The following PACC1 variants were observed in gnomAD, a reference collection of about 807,000 sequenced individuals.
The protein encoded by PACC1 is proton-activated chloride channel.
Under a neutral mutation model 39.7 loss-of-function variants are expected in PACC1, and 34 were observed. The observed-to-expected ratio is 0.86, with a 90% confidence interval of 0.65 to 1.14. The LOEUF (loss-of-function observed/expected upper bound fraction) is 1.14, where lower values mean the gene tolerates loss of function less well. PACC1 is among the 50% of genes most tolerant of loss of function. The pLI is 0.00. For synonymous variants in PACC1, 127 were observed against 160.6 expected (o/e 0.79, Z 1.58); for missense variants, 379 against 436.4 (o/e 0.87, Z 1.17).
chr1:212,400,222 G>A (rs1353096609), intron 2 of PACC1, among the ~76,000 whole-genome samples: 3 of 152,192 alleles, frequency 2.0e-5, no homozygotes, highest in African/African-American at 7.2e-5. Flanking sequence ...ACTGGCATCT[G>A]TGGACAGGTG....
At chr1:212,392,705 G>C (rs1251866279) in intron 2 of PACC1, among the ~76,000 whole-genome samples, 60 of 151,956 alleles carry the variant, frequency 3.9e-4, no homozygotes, top group Non-Finnish European at 8.2e-4. Flanking sequence ...CACGTGCAGA[G>C]ACACACATAG....
rs1047251091 is a variant in PACC1 at position 212,404,466 on chromosome 1, C to T, written c.133+5959G>A. Among the ~76,000 whole-genome samples the T allele has an allele frequency of 4.0e-5, 6 of 151,648 alleles. No homozygotes were observed. The Admixed American group carries it at 4.0e-4, about 10-fold the overall frequency. Reference sequence around the variant, plus strand: ...TAATGTACAGACCCTGACACTCAGACCCCTCCATAATCTGACCAAGTCTAT... The same window carrying T: ...TAATGTACAGACCCTGACACTCAGATCCCTCCATAATCTGACCAAGTCTAT... On this transcript the variant is annotated intron_variant, in intron 2 of 7. Transcript: ENST00000261455.
chr1:212,389,378 A>G (rs1235180110), intron 2 of PACC1, among the ~76,000 whole-genome samples: 1 of 152,252 alleles, frequency 6.6e-6, no homozygotes, highest in African/African-American at 2.4e-5. Context: ...TGGAGATTTC[A>G]ACTACGGCTA....
In PACC1 at chr1:212,377,810, G is replaced by C. The variant is rs1165979877; in HGVS notation, c.639-104C>G. The C allele has an allele frequency of 2.2e-6, 3 of 1,347,000 alleles. No homozygotes were observed. In the African/African-American group the frequency reaches 4.3e-5, roughly 19 times the overall value. The allele number at this position is 1,347,000 out of a possible 1,614,324, so 83.4% of individuals were successfully genotyped here. On this transcript the variant is annotated intron_variant, in intron 5 of 7. Transcript: ENST00000261455. ...GTTTCTTTGCTGGCACAACCAGGATGCTGCCCACTCCCTGCCTCCTCTCCA... is the reference window on the plus strand; with the variant it reads ...GTTTCTTTGCTGGCACAACCAGGATCCTGCCCACTCCCTGCCTCCTCTCCA...
intron 2 of PACC1, among the ~76,000 whole-genome samples, chr1:212,405,521 G>A (rs1661876993): frequency 6.6e-6 from 1 of 152,154 alleles, no homozygotes; most frequent in Admixed American, 6.5e-5. Flanking sequence ...TTGGGTAACC[G>A]GCCTTCTGTC....
chr1:212,397,991 ACATTTTTCATGTAAAAAGAAAATAAT>A (rs1217621523), intron 2 of PACC1, among the ~76,000 whole-genome samples: 1 of 152,220 alleles, frequency 6.6e-6, no homozygotes, highest in Non-Finnish European at 1.5e-5. Flanking sequence ...CTAAAGCCTT[ACATTTTTCATGTAAAAAGAAAATAAT>A]CATTTCCATT....
intron 6 of PACC1, 149 bp from the exon 7 acceptor site, chr1:212,375,449 A>G (rs1660612353): frequency 1.7e-6 from 1 of 585,006 alleles, no homozygotes; most frequent in Non-Finnish European, 3.1e-6. Context: ...AAAATCTCAT[A>G]TATACAAGAT....
intron 5 of PACC1, 122 bp from the exon 6 acceptor site, chr1:212,377,828 C>G (rs1660725098): frequency 8.8e-7 from 1 of 1,141,558 alleles, no homozygotes. Context: ...CTCCCTGCCT[C>G]CTCTCCAAAT....
chr1:212,379,771 G>T, intron 5 of PACC1, 124 bp downstream of exon 5: 1 of 1,226,084 alleles, frequency 8.2e-7, no homozygotes, highest in Non-Finnish European at 1.1e-6. Flanking sequence ...CTGGGCCAGT[G>T]GGTCATCTGA....
chr1:212,406,714 C>A (rs1008144455), intron 2 of PACC1, among the ~76,000 whole-genome samples: 6 of 152,232 alleles, frequency 3.9e-5, no homozygotes, highest in Admixed American at 6.5e-5. Context: ...AGTGGGAATG[C>A]TCTTGCCAGT....
Position 212,365,343 on chromosome 1 carries a change from G to C in PACC1, c.925C>G (p.Leu309Val). ...AATGCCAAGAAGGCGCCACAGAGAA[G>C]AGCAATTGTGTTCCAAGGATTGGCA... ...VTANPWNTIA[L>V]LCGAFLALFK... Residue 309 changes from leucine to valine, a missense_variant, in exon 8 of 8, where the codon CTT becomes GTT. Transcript: ENST00000261455. 6.2e-7 allele frequency: 1 copy of C among 1,612,168 alleles called. No homozygotes were observed. The highest frequency in any genetic ancestry group is 2.2e-5 in the East Asian group (1 of 44,790).
In PACC1 at chr1:212,396,706, A is replaced by G. The variant is rs532382564; in HGVS notation, c.134-9606T>C. Among the ~76,000 whole-genome samples, 344 of 151,170 alleles carry G rather than the reference A, an allele frequency of 2.3e-3. 1 individual carries two copies. The highest frequency in any genetic ancestry group is 3.6e-3 in the Admixed American group (55 of 15,166). On this transcript the variant is annotated intron_variant, in intron 2 of 7. Transcript: ENST00000261455. ...AAACGCCAACCAGGATAACTTAAAAAAAAAAAAAAAAAACCATCCCGAGGC... is the reference window on the plus strand; with the variant it reads ...AAACGCCAACCAGGATAACTTAAAAGAAAAAAAAAAAAACCATCCCGAGGC...
chr1:212,379,260 AT>A lies in PACC1; in HGVS notation c.638+634del, dbSNP rs887533403. ...ACCTGGCCATGATTTTCTTAATAAC[AT>A]TTTTTTTCTCTAGTTTACTTTATCG... On this transcript the variant is annotated intron_variant, in intron 5 of 7. Transcript: ENST00000261455. Among the ~76,000 whole-genome samples the A allele has an allele frequency of 4.6e-4, 70 of 151,740 alleles. No homozygotes were observed. In the Middle Eastern group the frequency reaches 0.01, roughly 22 times the overall value.
intron 2 of PACC1, among the ~76,000 whole-genome samples, chr1:212,394,421 T>C (rs144136834): frequency 2.6e-5 from 4 of 152,334 alleles, no homozygotes; most frequent in Non-Finnish European, 5.9e-5. Context: ...AATTAGGTAT[T>C]GATGGGACGT....
At chr1:212,381,220 G>A (rs1340758610) in intron 4 of PACC1, among the ~76,000 whole-genome samples, 1 of 152,164 alleles carries the variant, frequency 6.6e-6, no homozygotes, top group African/African-American at 2.4e-5. Context: ...ATGTCATGCT[G>A]TTTTGTACAT....
chr1:212,414,791 G>A lies in PACC1; in HGVS notation c.-34C>T, dbSNP rs1397729283. 6.8e-6 allele frequency: 11 copies of A among 1,608,856 alleles called. No individual in the cohort carries two copies. The highest frequency in any genetic ancestry group is 4.4e-5 in the South Asian group (4 of 90,992). ...CCAGAGCTTCGGCACACCTGAGACCGCCCCAGCCCGCGGCGCACGGACGCA... is the reference window on the plus strand; with the variant it reads ...CCAGAGCTTCGGCACACCTGAGACCACCCCAGCCCGCGGCGCACGGACGCA... On this transcript the variant is annotated 5_prime_UTR_variant, in exon 1 of 8. Coordinates refer to ENST00000261455, the MANE Select transcript of PACC1 (RefSeq NM_018252.3).
chr1:212,391,883 G>A (rs1455502698), intron 2 of PACC1, among the ~76,000 whole-genome samples: 2 of 152,028 alleles, frequency 1.3e-5, no homozygotes, highest in African/African-American at 4.8e-5. Flanking sequence ...GAGAAGAGAA[G>A]TTTAGAGAAA....
At chr1:212,410,624 C>A in intron 1 of PACC1, 103 bp from the exon 2 acceptor site, 4 of 1,012,224 alleles carry the variant, frequency 4.0e-6, no homozygotes, top group Non-Finnish European at 6.3e-6. Context: ...TAATTGTCAC[C>A]AAAAACCACA....
At chr1:212,382,463 C>A (rs1454724892) in intron 4 of PACC1, among the ~76,000 whole-genome samples, 2 of 152,132 alleles carry the variant, frequency 1.3e-5, no homozygotes, top group African/African-American at 2.4e-5. Context: ...GGTGGCAAAC[C>A]TTATTGTGCC....
Sources: gnomAD v4.1 joint callset for allele counts (sites outside exome capture counted in the v4.1 genomes callset) on GRCh38, gnomAD v4.1.1 for gene constraint, MANE v1.5 for transcripts, NCBI Gene and HGNC (gene_info 2026-07-23, HGNC 2026-07-21) for gene names.